The following LRRC28 variants were observed in gnomAD, a reference collection of about 807,000 sequenced individuals.
LRRC28 encodes the protein leucine rich repeat containing 28.
LRRC28 carries 39 observed loss-of-function variants against 45.7 expected under a neutral mutation model. The observed-to-expected ratio is 0.85, with a 90% CI of 0.66 to 1.12. LRRC28 has a LOEUF of 1.12. LRRC28 is among the 50% of genes most tolerant of loss of function. The probability of loss-of-function intolerance (pLI) is 0.00; values close to 1 mark genes in which losing one functional copy is unlikely to be tolerated. For missense variants in LRRC28, 435 were observed against 438.5 expected (o/e 0.99, Z 0.07); for synonymous variants, 206 against 178.8 (o/e 1.15, Z -1.22).
chr15:99,251,979 G>C (rs1297100564), intron 1 of LRRC28: 1 of 152,162 alleles, frequency 6.6e-6, no homozygotes, highest in Non-Finnish European at 1.5e-5. Flanking sequence ...AATTGAGTAC[G>C]GGGAGGTCAG....
intron 6 of LRRC28, among the ~76,000 whole-genome samples, chr15:99,339,161 TC>T (rs1365643839): frequency 1.3e-5 from 2 of 152,178 alleles, no homozygotes; most frequent in Non-Finnish European, 2.9e-5. Flanking sequence ...ATGATTTTTT[TC>T]TCTAAGGCTT....
chr15:99,285,048 C>T (rs573179946), intron 3 of LRRC28: 3 of 660,378 alleles, frequency 4.5e-6, no homozygotes, highest in Non-Finnish European at 8.6e-6. Context: ...ATGGGGCTTT[C>T]CTGACTTCAC....
intron 3 of LRRC28, among the ~76,000 whole-genome samples, chr15:99,278,235 G>T (rs2081673230): frequency 6.6e-6 from 1 of 152,020 alleles, no homozygotes; most frequent in Non-Finnish European, 1.5e-5. Flanking sequence ...GGACATCCTT[G>T]TCTTCTTTCT....
At chr15:99,291,972 C>CT (rs1300702222) in intron 5 of LRRC28, among the ~76,000 whole-genome samples, 7 of 152,198 alleles carry the variant, frequency 4.6e-5, no homozygotes, top group Non-Finnish European at 4.4e-5. Context: ...TATTCCAAAT[C>CT]TTTTTGAATT....
intron 5 of LRRC28, among the ~76,000 whole-genome samples, chr15:99,324,097 G>A (rs1597346749): frequency 6.6e-6 from 1 of 152,146 alleles, no homozygotes; most frequent in South Asian, 2.1e-4. Flanking sequence ...ACCCCCCGTG[G>A]GTGCCTAAAA....
chr15:99,268,378 G>A (rs1026774715), intron 2 of LRRC28, among the ~76,000 whole-genome samples: 1 of 152,066 alleles, frequency 6.6e-6, no homozygotes, highest in African/African-American at 2.4e-5. Flanking sequence ...AGTTAGGAGG[G>A]GGACAGTTTA....
chr15:99,301,950 A>T (rs1180262684), intron 5 of LRRC28, among the ~76,000 whole-genome samples: 1 of 151,596 alleles, frequency 6.6e-6, no homozygotes, highest in Non-Finnish European at 1.5e-5. Context: ...TCTACATACC[A>T]CTCTTAAATG....
intron 9 of LRRC28, among the ~76,000 whole-genome samples, chr15:99,366,462 A>C (rs1434987446): frequency 6.6e-6 from 1 of 152,202 alleles, no homozygotes; most frequent in Non-Finnish European, 1.5e-5. Context: ...ACAGGCTGCC[A>C]TAACAAAATG....
chr15:99,257,806 ATAAAT>A (rs1026028939), intron 2 of LRRC28: 2 of 779,214 alleles, frequency 2.6e-6, no homozygotes, highest in African/African-American at 3.4e-5. Flanking sequence ...ATTCAGTTGG[ATAAAT>A]TAAATGCATC....
At chr15:99,374,633 T>G (rs1202345140) in intron 9 of LRRC28, among the ~76,000 whole-genome samples, 1 of 152,188 alleles carries the variant, frequency 6.6e-6, no homozygotes, top group African/African-American at 2.4e-5. Context: ...TTGAGTACTA[T>G]GCTGACTAAG....
At chr15:99,362,555 A>G (rs1957232274) in intron 8 of LRRC28, among the ~76,000 whole-genome samples, 1 of 152,230 alleles carries the variant, frequency 6.6e-6, no homozygotes, top group South Asian at 2.1e-4. Flanking sequence ...CTGGGAAGGA[A>G]GCTCCCTGCT....
intron 5 of LRRC28, among the ~76,000 whole-genome samples, chr15:99,322,445 A>G (rs1020657421): frequency 1.3e-5 from 2 of 152,052 alleles, no homozygotes; most frequent in Non-Finnish European, 2.9e-5. Flanking sequence ...CAGATTCAGT[A>G]TGGATTTTGG....
At chr15:99,256,701 A>C (rs2152121624) in intron 2 of LRRC28, among the ~76,000 whole-genome samples, 1 of 152,360 alleles carries the variant, frequency 6.6e-6, no homozygotes, top group East Asian at 1.9e-4. Context: ...ATTTTGCCAC[A>C]AAGGCAACAT....
At chr15:99,308,413 TC>T (rs1299394657) in intron 5 of LRRC28, among the ~76,000 whole-genome samples, 5 of 152,162 alleles carry the variant, frequency 3.3e-5, no homozygotes, top group Admixed American at 6.5e-5. Flanking sequence ...ACACCTATAA[TC>T]CCAGCACTTT....
At chr15:99,295,699 C>T (rs141971121) in intron 5 of LRRC28, among the ~76,000 whole-genome samples, 2 of 152,238 alleles carry the variant, frequency 1.3e-5, no homozygotes, top group East Asian at 3.9e-4. Flanking sequence ...ATACTTTTAT[C>T]CTTGAAAAGT....
chr15:99,362,569 A>T (rs941635467), intron 8 of LRRC28, among the ~76,000 whole-genome samples: 3 of 152,228 alleles, frequency 2.0e-5, no homozygotes, highest in Admixed American at 2.0e-4. Context: ...CCCTGCTTTT[A>T]TTAATGACAG....
intron 5 of LRRC28, among the ~76,000 whole-genome samples, chr15:99,311,926 C>A (rs1955427893): frequency 6.6e-6 from 1 of 152,066 alleles, no homozygotes; most frequent in East Asian, 1.9e-4. Context: ...GGAAACAGAG[C>A]TATACTGGAG....
At chr15:99,343,473 C>T (rs1956583240) in intron 6 of LRRC28, among the ~76,000 whole-genome samples, 1 of 152,098 alleles carries the variant, frequency 6.6e-6, no homozygotes, top group South Asian at 2.1e-4. Flanking sequence ...GGAGCTTGTG[C>T]AGGACTCCTA....
intron 9 of LRRC28, among the ~76,000 whole-genome samples, chr15:99,373,076 T>G (rs2152334815): frequency 6.6e-6 from 1 of 152,178 alleles, no homozygotes; most frequent in East Asian, 1.9e-4. Context: ...ACATGGGGAT[T>G]ATGGGAATTA....
Sources: gnomAD v4.1 joint callset for allele counts (sites outside exome capture counted in the v4.1 genomes callset) on GRCh38, gnomAD v4.1.1 for gene constraint, MANE v1.5 for transcripts, NCBI Gene and HGNC (gene_info 2026-07-23, HGNC 2026-07-21) for gene names.